The following THSD7A variants were observed in gnomAD, a reference collection of about 807,000 sequenced individuals.
THSD7A encodes thrombospondin type 1 domain containing 7A, also known as thrombospondin type-1 domain-containing protein 7A.
A neutral mutation model predicts 231.3 loss-of-function variants in THSD7A; 96 were observed. The ratio of observed to expected loss-of-function variants is 0.41; its 90% CI spans 0.35 to 0.49. The LOEUF (loss-of-function observed/expected upper bound fraction) is 0.49, where lower values mean the gene tolerates loss of function less well. Among genes scored for constraint, THSD7A ranks in the 20% least tolerant of loss-of-function variants. The probability of loss-of-function intolerance (pLI) is 0.05; values close to 1 mark genes in which losing one functional copy is unlikely to be tolerated. For synonymous variants in THSD7A, 940 were observed against 743.3 expected, an observed-to-expected ratio of 1.26 and a Z score of -4.30; for missense variants, 2,290 against 2,070.2, an observed-to-expected ratio of 1.11 and a Z score of -2.06.
intron 2 of THSD7A, among the ~76,000 whole-genome samples, chr7:11,628,547 G>C (rs550252989): frequency 1.4e-5 from 2 of 146,730 alleles, no homozygotes; most frequent in Admixed American, 6.6e-5. Flanking sequence ...TTATCTGCAC[G>C]CACTTTCTCT....
At chr7:11,390,572 T>G (rs1782940132) in intron 23 of THSD7A, among the ~76,000 whole-genome samples, 1 of 152,226 alleles carries the variant, frequency 6.6e-6, no homozygotes, top group African/African-American at 2.4e-5. Context: ...TCAGAGGAGT[T>G]CGTTATTACC....
chr7:11,447,473 C>G (rs2074434), intron 11 of THSD7A, 49 bp from the exon 12 acceptor site: 555,046 of 1,409,034 alleles, frequency 0.39, 110,437 homozygotes, highest in Middle Eastern at 0.46. Context: ...CGTCTAATTA[C>G]TCTATAATTT....
chr7:11,460,163 G>A (rs1220181677), intron 11 of THSD7A, among the ~76,000 whole-genome samples: 1 of 151,974 alleles, frequency 6.6e-6, no homozygotes, highest in Admixed American at 6.6e-5. Context: ...TTAAAAATCA[G>A]TACTAAATAT....
chr7:11,796,376 T>C (rs1784127183), intron 1 of THSD7A, among the ~76,000 whole-genome samples: 1 of 151,884 alleles, frequency 6.6e-6, no homozygotes, highest in Admixed American at 6.6e-5. Context: ...TTCTTTTGTA[T>C]GTACTCCGCA....
chr7:11,477,027 T>C (rs950328476), intron 7 of THSD7A, among the ~76,000 whole-genome samples: 2 of 152,124 alleles, frequency 1.3e-5, no homozygotes, highest in Non-Finnish European at 2.9e-5. Flanking sequence ...CATTCTCCTA[T>C]ACATAAGCAA....
chr7:11,407,355 A>G lies in THSD7A; in HGVS notation c.3867T>C (p.Leu1289=). 1 of 1,613,774 alleles carries G rather than the reference A, an allele frequency of 6.2e-7. No individual in the cohort carries two copies. The highest frequency in any genetic ancestry group is 8.5e-7 in the Non-Finnish European group (1 of 1,179,832). The change falls in exon 20 of 28, where the codon CTT becomes CTC. Residue 1289 remains leucine, a synonymous_variant. Coordinates refer to ENST00000423059, the MANE Select transcript of THSD7A (RefSeq NM_015204.3). ...ATTCTGACCAAGGAGACCAATCAGA[A>G]AGCTGACAGTTCACAGGGCATTCCA... is the stretch of plus-strand genomic sequence containing the variant. ...CMVECPVNCQ[L]SDWSPWSECS... is the part of the protein sequence containing the mutation.
chr7:11,668,156 C>G (rs531737848), intron 1 of THSD7A, among the ~76,000 whole-genome samples: 1 of 152,004 alleles, frequency 6.6e-6, no homozygotes, highest in African/African-American at 2.4e-5. Flanking sequence ...AATGGAAGGC[C>G]GGGCATGGTG....
chr7:11,528,945 T>G lies in THSD7A; in HGVS notation c.1822+12474A>C, dbSNP rs79876475. Among the ~76,000 whole-genome samples the G allele has an allele frequency of 1.8e-3, 267 of 152,284 alleles. 3 individuals are homozygous for G. The East Asian group carries it at 0.044, about 25-fold the overall frequency. On this transcript the variant is annotated intron_variant, in intron 6 of 27. Coordinates refer to ENST00000423059, the MANE Select transcript of THSD7A (RefSeq NM_015204.3). Reference sequence around the variant, plus strand: ...ATTACTACAGCTTTCTTAATTATATTTAATTGCCTTTCTACAGCAATATTC... The same window carrying G: ...ATTACTACAGCTTTCTTAATTATATGTAATTGCCTTTCTACAGCAATATTC...
chr7:11,495,371 AT>A (rs1157336247), intron 6 of THSD7A, among the ~76,000 whole-genome samples: 3 of 152,082 alleles, frequency 2.0e-5, no homozygotes, highest in African/African-American at 7.2e-5. Flanking sequence ...AATGTTAAAA[AT>A]ATGATGGATA....
rs1181319224 is a variant in THSD7A at position 11,632,479 on chromosome 7, C to T, written c.1022+3651G>A. Among the ~76,000 whole-genome samples, 3 of 151,918 alleles carry T rather than the reference C, an allele frequency of 2.0e-5. No individual in the cohort carries two copies. The highest frequency in any genetic ancestry group is 7.2e-5 in the African/African-American group (3 of 41,382). ...TTGATTTTTTTATTGTTTATATTTT[C>T]AATTGATTAGCTGGAGTATTCCAGA... On this transcript the variant is annotated intron_variant, in intron 2 of 27. Transcript: ENST00000423059. The surrounding 1 kb of genome is among the most constrained non-coding windows in gnomAD (Gnocchi z 4.1).
In THSD7A at chr7:11,632,653, T is replaced by A. The variant is rs897680336; in HGVS notation, c.1022+3477A>T. Among the ~76,000 whole-genome samples, 9 of 152,210 alleles carry A rather than the reference T, an allele frequency of 5.9e-5. No individual in the cohort carries two copies. The highest frequency in any genetic ancestry group is 2.2e-4 in the African/African-American group (9 of 41,454). On this transcript the variant is annotated intron_variant, in intron 2 of 27. Transcript: ENST00000423059. The surrounding 1 kb of genome is among the most constrained non-coding windows in gnomAD (Gnocchi z 4.1). ...TCTGCTGTCCTGTCTTATTTTTTAC[T>A]TTAAAGAGAATGCTTCTAATGTTTC...
intron 23 of THSD7A, among the ~76,000 whole-genome samples, chr7:11,391,493 G>A (rs538054453): frequency 2.6e-5 from 4 of 151,920 alleles, no homozygotes; most frequent in Non-Finnish European, 4.4e-5. Context: ...TGCTGGCAGC[G>A]AGAATTTCAA....
chr7:11,815,816 A>G (rs868287529), intron 1 of THSD7A, among the ~76,000 whole-genome samples: 1 of 152,176 alleles, frequency 6.6e-6, no homozygotes, highest in Non-Finnish European at 1.5e-5. Context: ...TATTATGAAA[A>G]GACTGTGTCA....
chr7:11,553,164 C>T (rs149225588), intron 4 of THSD7A, among the ~76,000 whole-genome samples: 68 of 152,162 alleles, frequency 4.5e-4, no homozygotes, highest in African/African-American at 1.5e-3. Context: ...AGCTGCTAAG[C>T]GCACCAAATC....
At chr7:11,504,069 T>C (rs922699800) in intron 6 of THSD7A, among the ~76,000 whole-genome samples, 1 of 152,078 alleles carries the variant, frequency 6.6e-6, no homozygotes, top group Non-Finnish European at 1.5e-5. Flanking sequence ...TAAATTCCCA[T>C]CAATGACAGA....
chr7:11,403,647 T>C (rs982166634), intron 22 of THSD7A, among the ~76,000 whole-genome samples: 8 of 152,242 alleles, frequency 5.3e-5, no homozygotes, highest in Admixed American at 2.0e-4. Context: ...AGGCTTTATC[T>C]TTGTGGCAAT....
At chr7:11,434,037 T>G (rs889366938) in intron 13 of THSD7A, among the ~76,000 whole-genome samples, 2 of 152,166 alleles carry the variant, frequency 1.3e-5, no homozygotes, top group Middle Eastern at 3.4e-3. Flanking sequence ...TTGCCTGTCA[T>G]GTTTATCTAG....
At chr7:11,429,150 A>T (rs778881793) in intron 13 of THSD7A, 25 bp from the exon 14 acceptor site, 19 of 1,536,254 alleles carry the variant, frequency 1.2e-5, no homozygotes, top group Admixed American at 2.2e-5. Flanking sequence ...ATGAGACAAG[A>T]ATCATCTCCT....
At chr7:11,690,842 A>T (rs556205782) in intron 1 of THSD7A, among the ~76,000 whole-genome samples, 105 of 151,734 alleles carry the variant, frequency 6.9e-4, no homozygotes, top group African/African-American at 2.4e-3. Context: ...TGCTTCCTTC[A>T]ACAATTTTTA....
Sources: allele counts gnomAD v4.1 joint callset (sites outside exome capture counted in the v4.1 genomes callset), GRCh38; gene constraint gnomAD v4.1.1; non-coding constraint Gnocchi (gnomAD v3.1); transcripts MANE v1.5; gene names NCBI Gene and HGNC (gene_info 2026-07-23, HGNC 2026-07-21).